CACNG3: variants seen among roughly 807,000 people sequenced by gnomAD.
CACNG3 encodes voltage-dependent calcium channel gamma-3 subunit.
In CACNG3, 3 loss-of-function variants were observed where a neutral mutation model predicts 28.5. That is an observed-to-expected ratio of 0.11 (90% CI 0.05 to 0.27). CACNG3 has a LOEUF of 0.27. Among genes scored for constraint, CACNG3 ranks in the 10% least tolerant of loss-of-function variants. CACNG3 has a pLI of 1.00. For synonymous variants in CACNG3, 174 were observed against 162.2 expected (o/e 1.07, Z -0.55); for missense variants, 236 against 414.4 (o/e 0.57, Z 3.74).
chr16:24,258,441 T>C (rs1898497804), intron 1 of CACNG3, among the ~76,000 whole-genome samples: 1 of 152,184 alleles, frequency 6.6e-6, no homozygotes, highest in South Asian at 2.1e-4. Flanking sequence ...GTTAAGACAT[T>C]TACCCTCTCC....
chr16:24,274,619 A>G (rs907213280), intron 1 of CACNG3, among the ~76,000 whole-genome samples: 1 of 152,190 alleles, frequency 6.6e-6, no homozygotes, highest in Admixed American at 6.5e-5. Flanking sequence ...CCATGGAACA[A>G]GATTTATGGC....
intron 1 of CACNG3, among the ~76,000 whole-genome samples, chr16:24,266,353 C>T (rs372853451): frequency 1.1e-3 from 169 of 152,208 alleles, no homozygotes; most frequent in African/African-American, 3.9e-3. Context: ...TCAGTATGCT[C>T]ATGAAACTTC....
rs376581654 is a variant in CACNG3, at chr16:24,354,686, C to T, written c.296-147C>T. 1,503 of 731,502 alleles carry T rather than the reference C, an allele frequency of 2.1e-3. 4 individuals carry two copies. The highest frequency in any genetic ancestry group is 0.015 in the Middle Eastern group (37 of 2,484). The allele number at this position is 731,502 out of a possible 1,614,324, so 45.3% of individuals were successfully genotyped here. ...GCCAAGACTCCTTCTAAGCACAGGC[C>T]CTGAGCGCCTGGTCTCATGCCCGTG... On this transcript the variant is annotated intron_variant, in intron 2 of 3. Transcript: ENST00000005284.
At chr16:24,333,623 AGC>A (rs1050468350) in intron 1 of CACNG3, 1 of 152,182 alleles carries the variant, frequency 6.6e-6, no homozygotes, top group African/African-American at 2.4e-5. Flanking sequence ...TCACCCAAGG[AGC>A]TTTGAAAAAT....
At chr16:24,275,257 A>C in intron 1 of CACNG3, among the ~76,000 whole-genome samples, 1 of 152,190 alleles carries the variant, frequency 6.6e-6, no homozygotes, top group East Asian at 1.9e-4. Context: ...TGAGGCAAAA[A>C]CAATGGTAGG....
chr16:24,265,683 T>C (rs1898601313), intron 1 of CACNG3, among the ~76,000 whole-genome samples: 1 of 152,126 alleles, frequency 6.6e-6, no homozygotes, highest in Non-Finnish European at 1.5e-5. Context: ...GGTTGAAAAA[T>C]TAAGTAATAT....
At chr16:24,257,121 C>T (rs1043436567) in intron 1 of CACNG3, among the ~76,000 whole-genome samples, 156 bp downstream of exon 1, 2 of 152,006 alleles carry the variant, frequency 1.3e-5, no homozygotes, top group African/African-American at 4.8e-5. Context: ...GCAAGACTGA[C>T]GCCATGTGGG....
chr16:24,352,781 C>G (rs896177715), intron 2 of CACNG3, among the ~76,000 whole-genome samples: 11 of 152,078 alleles, frequency 7.2e-5, no homozygotes, highest in African/African-American at 2.4e-4. Flanking sequence ...CTCAGGTGTT[C>G]CTCCCGCCTC....
intron 1 of CACNG3, among the ~76,000 whole-genome samples, chr16:24,297,241 C>T (rs1028370637): frequency 8.0e-6 from 1 of 125,684 alleles, no homozygotes; most frequent in African/African-American, 4.1e-5. Flanking sequence ...GAGCAGAATC[C>T]CATCTCTAAA....
chr16:24,316,050 A>T (rs892385524), intron 1 of CACNG3, among the ~76,000 whole-genome samples: 1 of 152,096 alleles, frequency 6.6e-6, no homozygotes, highest in Non-Finnish European at 1.5e-5. Context: ...TTAATGCTAC[A>T]GCAAATTAGT....
intron 1 of CACNG3, among the ~76,000 whole-genome samples, chr16:24,302,365 G>A (rs1596634267): frequency 6.6e-6 from 1 of 152,206 alleles, no homozygotes; most frequent in Admixed American, 6.5e-5. Flanking sequence ...CGTCCCCTGG[G>A]AGTCTGTAAG....
chr16:24,291,499 G>A (rs1645404877), intron 1 of CACNG3, among the ~76,000 whole-genome samples: 1 of 152,188 alleles, frequency 6.6e-6, no homozygotes, highest in Non-Finnish European at 1.5e-5. Context: ...ATATTATTGA[G>A]AGCAAGAAGA....
chr16:24,353,128 A>G (rs1408209967), intron 2 of CACNG3, among the ~76,000 whole-genome samples: 7 of 151,994 alleles, frequency 4.6e-5, no homozygotes, highest in Non-Finnish European at 1.0e-4. Flanking sequence ...GGTGCCCTCC[A>G]CCATGCCCAG....
At chr16:24,270,896 G>C (rs542219353) in intron 1 of CACNG3, among the ~76,000 whole-genome samples, 2 of 152,180 alleles carry the variant, frequency 1.3e-5, no homozygotes, top group Non-Finnish European at 2.9e-5. Flanking sequence ...GGCTCACTGG[G>C]GGATGGGCAT....
At chr16:24,260,425 G>T (rs1898522527) in intron 1 of CACNG3, among the ~76,000 whole-genome samples, 1 of 152,202 alleles carries the variant, frequency 6.6e-6, no homozygotes, top group South Asian at 2.1e-4. Flanking sequence ...CAGCTCAGTT[G>T]TGTAGGTACT....
At chr16:24,305,878 C>T (rs1899179102) in intron 1 of CACNG3, among the ~76,000 whole-genome samples, 1 of 151,954 alleles carries the variant, frequency 6.6e-6, no homozygotes, top group Non-Finnish European at 1.5e-5. Flanking sequence ...GCTTTGTTAC[C>T]CAAGGTGGGG....
chr16:24,298,223 AT>A (rs1057359579), intron 1 of CACNG3, among the ~76,000 whole-genome samples: 3 of 152,094 alleles, frequency 2.0e-5, no homozygotes, highest in African/African-American at 7.2e-5. Context: ...GATATTCTAC[AT>A]TTTTTTGTAA....
intron 1 of CACNG3, among the ~76,000 whole-genome samples, chr16:24,292,266 G>T (rs1209171571): frequency 6.6e-6 from 1 of 152,204 alleles, no homozygotes; most frequent in Non-Finnish European, 1.5e-5. Flanking sequence ...AACAGAGTCA[G>T]CAGGAATCCC....
chr16:24,316,297 A>G (rs1002057623), intron 1 of CACNG3, among the ~76,000 whole-genome samples: 1 of 125,174 alleles, frequency 8.0e-6, no homozygotes, highest in Non-Finnish European at 1.9e-5. Context: ...AGCCCTCCCC[A>G]TTGTCGGAGC....
Sources: allele counts gnomAD v4.1 joint callset (sites outside exome capture counted in the v4.1 genomes callset), GRCh38; gene constraint gnomAD v4.1.1; transcripts MANE v1.5; gene names NCBI Gene and HGNC (gene_info 2026-07-23, HGNC 2026-07-21).